Variants in FSTL5 observed in about 807,000 individuals in gnomAD.
The protein encoded by FSTL5 is follistatin-related protein 5.
A neutral mutation model predicts 89.1 loss-of-function variants in FSTL5; 62 were observed. The observed-to-expected ratio is 0.70, with a 90% CI of 0.57 to 0.86. FSTL5 has a LOEUF of 0.86. Ranked by LOEUF, FSTL5 falls within the 40% of genes least tolerant of loss-of-function variation. FSTL5 has a pLI of 0.00. For synonymous variants in FSTL5, 383 were observed against 346.2 expected, an observed-to-expected ratio of 1.11 and a Z score of -1.18; for missense variants, 1,057 against 1,001.6, an observed-to-expected ratio of 1.06 and a Z score of -0.75.
At chr4:161,603,216 C>T (rs2126627346) in intron 7 of FSTL5, among the ~76,000 whole-genome samples, 1 of 152,204 alleles carries the variant, frequency 6.6e-6, no homozygotes, top group South Asian at 2.1e-4. Context: ...CAGTTTCAGA[C>T]CATTGCAATC....
chr4:161,692,489 C>A (rs529922565), intron 6 of FSTL5, among the ~76,000 whole-genome samples: 1 of 152,082 alleles, frequency 6.6e-6, no homozygotes, highest in African/African-American at 2.4e-5. Context: ...ACCCTTAGTG[C>A]TTTTACAAAA....
rs1393343548 is a variant in FSTL5, at chr4:162,141,106, C to CTCTTTT, written c.-17+22508_-17+22509insAAAAGA. On this transcript the variant is annotated intron_variant, in intron 1 of 15. Transcript: ENST00000306100. ...AGTGTGGCACCTCCCTCCCTTCTCTCTTTTTTTTTTTTTTTTTTTTTTTTT... is the reference window on the plus strand; with the variant it reads ...AGTGTGGCACCTCCCTCCCTTCTCTCTCTTTTTTTTTTTTTTTTTTTTTTTTTTTTT... Among the ~76,000 whole-genome samples, 17 of 44,010 alleles carry CTCTTTT rather than the reference C, an allele frequency of 3.9e-4. 1 individual carries two copies. The highest frequency in any genetic ancestry group is 4.6e-4 in the Non-Finnish European group (11 of 24,056). 28.9% of individuals were successfully genotyped at this position (44,010 alleles called of 152,430 possible).
intron 4 of FSTL5, among the ~76,000 whole-genome samples, chr4:161,820,974 A>G (rs1413323116): frequency 1.3e-5 from 2 of 151,466 alleles, no homozygotes; most frequent in Non-Finnish European, 2.9e-5. Flanking sequence ...AACTCTTTAC[A>G]AATAAAAAAT....
intron 7 of FSTL5, among the ~76,000 whole-genome samples, 159 bp from the exon 8 acceptor site, chr4:161,587,734 T>C (rs752048604): frequency 1.5e-4 from 23 of 152,220 alleles, no homozygotes; most frequent in Non-Finnish European, 3.1e-4. Context: ...AAAGGATCTG[T>C]AATTATAATT....
At chr4:161,869,005 T>C (rs1170228644) in intron 4 of FSTL5, among the ~76,000 whole-genome samples, 1 of 152,088 alleles carries the variant, frequency 6.6e-6, no homozygotes, top group East Asian at 1.9e-4. Flanking sequence ...GCGGATCACC[T>C]GAGGTCAGGA....
chr4:161,451,347 C>G (rs112663493), intron 15 of FSTL5, among the ~76,000 whole-genome samples: 2,840 of 152,136 alleles, frequency 0.019, 102 homozygotes, highest in African/African-American at 0.065. Context: ...TACTTTATGA[C>G]ACTGCATGCT....
intron 4 of FSTL5, among the ~76,000 whole-genome samples, chr4:161,874,232 T>A (rs1389621250): frequency 1.3e-5 from 2 of 152,092 alleles, no homozygotes; most frequent in Non-Finnish European, 2.9e-5. Flanking sequence ...ACATTAAGAA[T>A]GTTTGACATT....
intron 4 of FSTL5, among the ~76,000 whole-genome samples, chr4:161,860,494 T>C (rs1026380365): frequency 8.5e-5 from 13 of 152,162 alleles, no homozygotes; most frequent in African/African-American, 2.9e-4. Flanking sequence ...ATCAATCTGC[T>C]TCCAGGGTCG....
chr4:161,477,330 A>G (rs1198806427), intron 13 of FSTL5, among the ~76,000 whole-genome samples: 1 of 150,304 alleles, frequency 6.7e-6, no homozygotes, highest in Non-Finnish European at 1.5e-5. Flanking sequence ...CTGCCTTTTT[A>G]AAGTATATAT....
intron 2 of FSTL5, among the ~76,000 whole-genome samples, chr4:162,085,206 C>T (rs990283683): frequency 1.4e-4 from 21 of 151,932 alleles, no homozygotes; most frequent in Non-Finnish European, 2.8e-4. Context: ...TCTTTTGAGG[C>T]TATTGAATAG....
chr4:161,557,777 T>A (rs1732442978), intron 8 of FSTL5, among the ~76,000 whole-genome samples: 1 of 151,794 alleles, frequency 6.6e-6, no homozygotes, highest in African/African-American at 2.4e-5. Flanking sequence ...GTATATTGCA[T>A]ATATTGCCCA....
At chr4:161,551,817 C>T (rs1026403708) in intron 8 of FSTL5, among the ~76,000 whole-genome samples, 28 of 151,872 alleles carry the variant, frequency 1.8e-4, no homozygotes, top group Non-Finnish European at 3.4e-4. Context: ...CTTCCTTACA[C>T]CTTATACAAA....
At chr4:161,601,978 A>C (rs374417452) in intron 7 of FSTL5, among the ~76,000 whole-genome samples, 1 of 152,102 alleles carries the variant, frequency 6.6e-6, no homozygotes. Context: ...CAAAACAATC[A>C]ATGGAACTAA....
At chr4:162,138,898 GA>G (rs1220877942) in intron 1 of FSTL5, among the ~76,000 whole-genome samples, 1 of 151,906 alleles carries the variant, frequency 6.6e-6, no homozygotes, top group African/African-American at 2.4e-5. Context: ...AAAATATGTA[GA>G]AGCCCTTTAC....
intron 1 of FSTL5, among the ~76,000 whole-genome samples, chr4:162,122,086 G>T (rs188583762): frequency 2.1e-4 from 32 of 152,098 alleles, no homozygotes; most frequent in Admixed American, 6.5e-4. Context: ...AGTTAAGTTT[G>T]GGGGGAGTCA....
intron 13 of FSTL5, among the ~76,000 whole-genome samples, chr4:161,476,189 G>GTT (rs1241724019): frequency 1.9e-5 from 2 of 106,902 alleles, no homozygotes; most frequent in African/African-American, 3.8e-5. Context: ...TTTTTTTTTT[G>GTT]TTTGTTTGTT....
At chr4:162,146,683 C>CCCTTT (rs1561044849) in intron 1 of FSTL5, among the ~76,000 whole-genome samples, 1 of 85,706 alleles carries the variant, frequency 1.2e-5, no homozygotes, top group African/African-American at 4.2e-5. Flanking sequence ...CCCTTCCCTT[C>CCCTTT]CCTTCCCTTC....
At chr4:161,438,610 A>G (rs1388088365) in intron 15 of FSTL5, among the ~76,000 whole-genome samples, 1 of 152,140 alleles carries the variant, frequency 6.6e-6, no homozygotes, top group African/African-American at 2.4e-5. Flanking sequence ...AACACCCGAA[A>G]TTATTTTCAG....
At chr4:161,471,495 A>T (rs1733941315) in intron 13 of FSTL5, among the ~76,000 whole-genome samples, 1 of 152,180 alleles carries the variant, frequency 6.6e-6, no homozygotes, top group Non-Finnish European at 1.5e-5. Context: ...TTCATAAGGC[A>T]TCTTGAGCTG....
Sources: allele counts gnomAD v4.1 joint callset (sites outside exome capture counted in the v4.1 genomes callset), GRCh38; gene constraint gnomAD v4.1.1; transcripts MANE v1.5; gene names NCBI Gene and HGNC (gene_info 2026-07-23, HGNC 2026-07-21).